PAG1: variants seen among roughly 807,000 people sequenced by gnomAD.
PAG1 encodes the protein phosphoprotein membrane anchor with glycosphingolipid microdomains 1, also known as phosphoprotein associated with glycosphingolipid-enriched microdomains 1.
Under a neutral mutation model 31.7 loss-of-function variants are expected in PAG1, and 23 were observed. The ratio of observed to expected loss-of-function variants is 0.73; its 90% CI spans 0.52 to 1.03. PAG1 has a LOEUF of 1.03. Ranked by LOEUF, PAG1 falls within the 50% of genes least tolerant of loss-of-function variation. The pLI is 0.00. For missense variants in PAG1, 473 were observed against 540.7 expected (o/e 0.87, Z 1.24); for synonymous variants, 214 against 210.3 (o/e 1.02, Z -0.15).
At chr8:81,026,478 C>T (rs1332621689) in intron 3 of PAG1, among the ~76,000 whole-genome samples, 3 of 150,062 alleles carry the variant, frequency 2.0e-5, no homozygotes, top group Non-Finnish European at 4.4e-5. Flanking sequence ...AAGGCCCTTG[C>T]ACGCCTTGCT....
chr8:81,056,048 G>A (rs1808817319), intron 2 of PAG1, among the ~76,000 whole-genome samples: 1 of 152,122 alleles, frequency 6.6e-6, no homozygotes, highest in Admixed American at 6.6e-5. Context: ...TTTTCAAAGG[G>A]AATGCTTCTA....
At chr8:81,071,426 C>G (rs1263323465) in intron 1 of PAG1, among the ~76,000 whole-genome samples, 5 of 152,184 alleles carry the variant, frequency 3.3e-5, no homozygotes, top group African/African-American at 1.2e-4. Flanking sequence ...TGGGAAATCC[C>G]ACATCCTGGG....
chr8:80,978,917 C>G (rs1299710961), intron 8 of PAG1, among the ~76,000 whole-genome samples: 2 of 152,192 alleles, frequency 1.3e-5, no homozygotes, highest in Non-Finnish European at 2.9e-5. Flanking sequence ...TTGCTATATT[C>G]CCATAAGTTA....
At chr8:81,042,780 A>G (rs1808576522) in intron 2 of PAG1, among the ~76,000 whole-genome samples, 1 of 152,136 alleles carries the variant, frequency 6.6e-6, no homozygotes, top group Admixed American at 6.5e-5. Flanking sequence ...ATAAGTACCT[A>G]TCCCTGAGGT....
chr8:81,011,235 T>C (rs1807978442), intron 3 of PAG1, among the ~76,000 whole-genome samples: 1 of 152,192 alleles, frequency 6.6e-6, no homozygotes. Flanking sequence ...CCCACCCAAA[T>C]GTCATCTTGA....
intron 3 of PAG1, among the ~76,000 whole-genome samples, chr8:81,028,448 G>A (rs978735678): frequency 3.3e-5 from 5 of 152,140 alleles, no homozygotes; most frequent in African/African-American, 9.7e-5. Context: ...GAATGCTGAC[G>A]TACAAAGGGC....
At chr8:81,109,115 A>G (rs189844593) in intron 1 of PAG1, among the ~76,000 whole-genome samples, 1 of 152,356 alleles carries the variant, frequency 6.6e-6, no homozygotes, top group Non-Finnish European at 1.5e-5. Context: ...TGAATAGAAA[A>G]ATAATAAAGC....
intron 2 of PAG1, among the ~76,000 whole-genome samples, chr8:81,057,940 T>C (rs768514519): frequency 1.3e-5 from 2 of 152,044 alleles, no homozygotes; most frequent in Non-Finnish European, 2.9e-5. Context: ...CAAAAATAAC[T>C]CCAGTTCCAT....
At chr8:81,078,586 A>T (rs994146994) in intron 1 of PAG1, among the ~76,000 whole-genome samples, 5 of 152,152 alleles carry the variant, frequency 3.3e-5, no homozygotes, top group Admixed American at 6.6e-5. Flanking sequence ...GCAATCCTTC[A>T]TCCTTGCTTA....
chr8:81,020,874 C>G, intron 3 of PAG1, among the ~76,000 whole-genome samples: 1 of 152,190 alleles, frequency 6.6e-6, no homozygotes. Flanking sequence ...AAATGGACCT[C>G]CAACACACAT....
rs992158878 is a variant in PAG1 at position 80,969,170 on chromosome 8, C to T, written c.*7374G>A. 1 of 152,050 alleles carries T rather than the reference C, an allele frequency of 6.6e-6. No individual in the cohort carries two copies. The highest frequency in any genetic ancestry group is 2.4e-5 in the African/African-American group (1 of 41,372). 9.4% of individuals were successfully genotyped at this position (152,050 alleles called of 1,614,324 possible). A position where few individuals can be genotyped will look rare whatever the true frequency, so the allele number is the denominator to read the frequency against. On this transcript the variant is annotated 3_prime_UTR_variant, in exon 9 of 9. Coordinates refer to ENST00000220597, the MANE Select transcript of PAG1 (RefSeq NM_018440.4). Reference sequence around the variant, plus strand: ...TCCAGGACATGGGCGGGTAGTGGCACATAGGAATTAAATCCTAGCATGGCT... The same window carrying T: ...TCCAGGACATGGGCGGGTAGTGGCATATAGGAATTAAATCCTAGCATGGCT...
intron 2 of PAG1, among the ~76,000 whole-genome samples, chr8:81,046,855 C>T (rs1290894695): frequency 2.6e-5 from 4 of 152,102 alleles, no homozygotes; most frequent in Non-Finnish European, 5.9e-5. Flanking sequence ...ACCCCCCAAC[C>T]CTCCGGCAGG....
At chr8:81,088,170 C>A (rs1408212952) in intron 1 of PAG1, among the ~76,000 whole-genome samples, 1 of 152,104 alleles carries the variant, frequency 6.6e-6, no homozygotes, top group Non-Finnish European at 1.5e-5. Flanking sequence ...TTTGAAGCAG[C>A]CTGAGTAATT....
At chr8:81,080,828 TGG>T (rs1563423272) in intron 1 of PAG1, among the ~76,000 whole-genome samples, 1 of 152,132 alleles carries the variant, frequency 6.6e-6, no homozygotes, top group Non-Finnish European at 1.5e-5. Context: ...TTCTCCCAGG[TGG>T]GAGTAGGATG....
intron 8 of PAG1, among the ~76,000 whole-genome samples, chr8:80,978,190 G>A (rs1211796926): frequency 1.3e-5 from 2 of 152,130 alleles, no homozygotes; most frequent in Non-Finnish European, 2.9e-5. Context: ...GACAATCCAA[G>A]GGTTTACAGT....
intron 1 of PAG1, among the ~76,000 whole-genome samples, chr8:81,082,248 G>A (rs573955347): frequency 1.7e-4 from 17 of 101,398 alleles, no homozygotes; most frequent in South Asian, 1.6e-3. Flanking sequence ...GTGAGACTCT[G>A]TCTCAAAAAA....
chr8:81,098,507 T>C (rs1809562322), intron 1 of PAG1, among the ~76,000 whole-genome samples: 1 of 152,182 alleles, frequency 6.6e-6, no homozygotes, highest in Non-Finnish European at 1.5e-5. Flanking sequence ...CAGGATTTCA[T>C]GATGGGTGTG....
At chr8:81,034,251 G>A (rs1179670626) in intron 2 of PAG1, among the ~76,000 whole-genome samples, 1 of 152,196 alleles carries the variant, frequency 6.6e-6, no homozygotes. Flanking sequence ...ACTGAGCATG[G>A]AATGAATCAC....
intron 1 of PAG1, among the ~76,000 whole-genome samples, chr8:81,101,296 G>C (rs1334745686): frequency 1.3e-5 from 2 of 152,134 alleles, no homozygotes; most frequent in Non-Finnish European, 2.9e-5. Context: ...TAAAGGTCAA[G>C]ATGTACATTT....
Sources: allele counts gnomAD v4.1 joint callset (sites outside exome capture counted in the v4.1 genomes callset), GRCh38; gene constraint gnomAD v4.1.1; transcripts MANE v1.5; gene names NCBI Gene and HGNC (gene_info 2026-07-23, HGNC 2026-07-21).